Variants in STKLD1 observed in about 807,000 individuals in gnomAD.
The protein encoded by STKLD1 is serine/threonine kinase-like domain-containing protein STKLD1.
A neutral mutation model predicts 80.4 loss-of-function variants in STKLD1; 79 were observed. That is an observed-to-expected ratio of 0.98 (90% CI 0.82 to 1.19). The LOEUF (loss-of-function observed/expected upper bound fraction) is 1.19, where lower values mean the gene tolerates loss of function less well. Ranked by LOEUF, STKLD1 falls within the 50% of genes most tolerant of loss-of-function variation. STKLD1 has a pLI of 0.00. For synonymous variants in STKLD1, 393 were observed against 357.6 expected (o/e 1.10, Z -1.12); for missense variants, 841 against 856.0 (o/e 0.98, Z 0.22).
intron 11 of STKLD1, 35 bp downstream of exon 11, chr9:133,398,090 C>A: frequency 1.3e-6 from 2 of 1,596,510 alleles, no homozygotes; most frequent in Non-Finnish European, 1.7e-6. Context: ...CCCAGCTGCT[C>A]CCCTAGGGGC....
At chr9:133,404,661 C>T in intron 16 of STKLD1, 128 bp from the exon 17 acceptor site, 3 of 1,362,566 alleles carry the variant, frequency 2.2e-6, no homozygotes, top group Non-Finnish European at 3.0e-6. Flanking sequence ...GATGGGGCCT[C>T]CTGGGTCCCG....
In STKLD1 at chr9:133,402,910, G is replaced by A. The variant is rs587671240; in HGVS notation, c.1372G>A (p.Ala458Thr). ...GTCACTGTCAGAGGAGCTGCAGAATGCTGGGCTGCTGGAGCACATCCTGGA... is the reference window on the plus strand; with the variant it reads ...GTCACTGTCAGAGGAGCTGCAGAATACTGGGCTGCTGGAGCACATCCTGGA... ...SESLSEELQN[A>T]GLLEHILEHL... Residue 458 changes from alanine to threonine, a missense_variant, in exon 14 of 18, where the codon GCT becomes ACT. By Grantham distance (58) the Ala-to-Thr change is moderately conservative. Coordinates refer to ENST00000371957, the MANE Select transcript of STKLD1 (RefSeq NM_153710.5). 6.3e-7 allele frequency: 1 copy of A among 1,587,456 alleles called. No homozygotes were observed. The highest frequency in any genetic ancestry group is 8.6e-7 in the Non-Finnish European group (1 of 1,167,250).
Position 133,394,387 on chromosome 9 carries a change from T to C in STKLD1, c.680T>C (p.Met227Thr). The change falls in exon 8 of 18, where the codon ATG (methionine) becomes ACG (threonine). Residue 227 changes from methionine to threonine, a missense_variant. Met to Thr is a moderately conservative substitution (Grantham distance 81). Transcript: ENST00000371957. The surrounding 1 kb of genome is among the most constrained non-coding windows in gnomAD (Gnocchi z 4.9). ...TCCCTGGGCTGCATCATTCTGGACA[T>C]GACCAGCTGCTCCTTCATGGATGTG... Reference protein sequence around the residue: ...IWSLGCIILDMTSCSFMDGTE... With the variant: ...IWSLGCIILDTTSCSFMDGTE... 5 of 1,613,562 alleles carry C rather than the reference T, an allele frequency of 3.1e-6. No homozygotes were observed. The highest frequency in any genetic ancestry group is 2.2e-5 in the East Asian group (1 of 44,862).
intron 16 of STKLD1, 65 bp downstream of exon 16, chr9:133,404,113 T>G: frequency 6.7e-7 from 1 of 1,491,390 alleles, no homozygotes; most frequent in African/African-American, 1.4e-5. Context: ...CCCCATCAGT[T>G]ACATCTGCCA....
At chr9:133,378,474 A>C (rs1838057126) in intron 1 of STKLD1, among the ~76,000 whole-genome samples, 2 of 152,228 alleles carry the variant, frequency 1.3e-5, no homozygotes, top group South Asian at 4.1e-4. Flanking sequence ...GAGTTACCCC[A>C]GGCAGTGTCC....
chr9:133,377,402 C>G (rs905916878), intron 1 of STKLD1, among the ~76,000 whole-genome samples: 1 of 152,238 alleles, frequency 6.6e-6, no homozygotes, highest in African/African-American at 2.4e-5. Context: ...CGGTGGCTCA[C>G]GCCTGTAATC....
At position 133,384,551 on chromosome 9, in the gene STKLD1, C is replaced by T. The variant is rs1838222127; in HGVS notation, c.219+651C>T. 6.6e-6 allele frequency: 1 copy of T among 151,500 alleles called. No homozygotes were observed. The highest frequency in any genetic ancestry group is 2.4e-5 in the African/African-American group (1 of 41,278). 9.4% of individuals were successfully genotyped at this position (151,500 alleles called of 1,614,324 possible). On this transcript the variant is annotated intron_variant, in intron 3 of 17. Coordinates refer to ENST00000371957, the MANE Select transcript of STKLD1 (RefSeq NM_153710.5). This position sits in a 1 kb window ranked among gnomAD's most constrained non-coding sequence, Gnocchi z 4.3. ...ATTACAGCAGAAAATTTTAAAAATACAGAATTGGGTTTTCTTTTGTTTTTA... is the reference window on the plus strand; with the variant it reads ...ATTACAGCAGAAAATTTTAAAAATATAGAATTGGGTTTTCTTTTGTTTTTA...
At chr9:133,403,472 C>T (rs1838761679) in intron 14 of STKLD1, among the ~76,000 whole-genome samples, 1 of 152,226 alleles carries the variant, frequency 6.6e-6, no homozygotes, top group African/African-American at 2.4e-5. Flanking sequence ...GAGCTCCAAA[C>T]CACGGAAAGC....
chr9:133,402,341 C>G (rs903047971), intron 13 of STKLD1, among the ~76,000 whole-genome samples: 1 of 152,160 alleles, frequency 6.6e-6, no homozygotes, highest in Non-Finnish European at 1.5e-5. Context: ...AGCTGGGCCT[C>G]GAGAGAGCCT....
chr9:133,384,009 G>T lies in STKLD1; in HGVS notation c.219+109G>T, dbSNP rs1266001150. Reference sequence around the variant, plus strand: ...GGATGAAGAGAAGGCTGGAGGGAGGGATAGAGCATCAGCACCAGTTTTGCC... The same window carrying T: ...GGATGAAGAGAAGGCTGGAGGGAGGTATAGAGCATCAGCACCAGTTTTGCC... On this transcript the variant is annotated intron_variant, in intron 3 of 17. Coordinates refer to ENST00000371957, the MANE Select transcript of STKLD1 (RefSeq NM_153710.5). The surrounding 1 kb of genome is among the most constrained non-coding windows in gnomAD (Gnocchi z 4.3). 4 of 1,103,978 alleles carry T rather than the reference G, an allele frequency of 3.6e-6. No homozygotes were observed. Among genetic ancestry groups the T allele is most frequent in the Non-Finnish European group, 5.5e-6 (4 of 729,884 alleles). The allele number at this position is 1,103,978 out of a possible 1,614,324, so 68.4% of individuals were successfully genotyped here.
intron 10 of STKLD1, 75 bp downstream of exon 10, chr9:133,397,369 C>T (rs145904193): frequency 1.9e-6 from 3 of 1,581,790 alleles, no homozygotes; most frequent in Non-Finnish European, 2.6e-6. Context: ...TTGTTTAGTT[C>T]CAGAGGGTTC....
intron 13 of STKLD1, 40 bp downstream of exon 13, chr9:133,401,918 G>C (rs782086356): frequency 4.4e-5 from 70 of 1,607,058 alleles, no homozygotes; most frequent in Non-Finnish European, 5.7e-5. Flanking sequence ...CCACGCTCCA[G>C]GACAGCCCTT....
intron 7 of STKLD1, among the ~76,000 whole-genome samples, chr9:133,393,054 G>A (rs1838447733): frequency 8.5e-6 from 1 of 117,954 alleles, no homozygotes; most frequent in Admixed American, 8.5e-5. Context: ...ATGGGTTGTA[G>A]ATGGATGGGT....
chr9:133,397,430 C>A, intron 10 of STKLD1, 136 bp downstream of exon 10: 2 of 1,174,710 alleles, frequency 1.7e-6, no homozygotes, highest in Non-Finnish European at 2.4e-6. Context: ...TGGGTAGGAA[C>A]AGTTTCCCTC....
intron 5 of STKLD1, chr9:133,388,836 T>C (rs1838321038): frequency 1.0e-6 from 1 of 985,312 alleles, no homozygotes; most frequent in African/African-American, 1.7e-5. Context: ...GCTCTTCTCT[T>C]ACCATGGGCC....
In STKLD1 at chr9:133,376,531, T is replaced by C; in HGVS notation, c.58T>C (p.Ser20Pro). 2 of 1,600,532 alleles carry C rather than the reference T, an allele frequency of 1.2e-6. No individual in the cohort carries two copies. Among genetic ancestry groups the C allele is most frequent in the Non-Finnish European group, 8.5e-7 (1 of 1,175,370 alleles). Residue 20 changes from serine (S) to proline (P), a missense_variant, in exon 1 of 18, where the codon TCC becomes CCC. By Grantham distance (74) the Ser-to-Pro change is moderately conservative. Transcript: ENST00000371957. ...RPTQGERGPG[S>P]PGEPMEKYQV... ...CACGCAGGGGGAGCGAGGCCCAGGG[T>C]CCCCCGGAGAGCCCATGGAGAAGTA... is the stretch of plus-strand genomic sequence containing the variant.
intron 1 of STKLD1, among the ~76,000 whole-genome samples, chr9:133,376,828 G>A (rs2130251680): frequency 7.9e-5 from 12 of 152,148 alleles, no homozygotes; most frequent in Non-Finnish European, 1.3e-4. Flanking sequence ...TCTATCCTTC[G>A]TGCCTGGGGT....
At chr9:133,391,572 C>G (rs1260115709) in intron 7 of STKLD1, among the ~76,000 whole-genome samples, 1 of 151,878 alleles carries the variant, frequency 6.6e-6, no homozygotes, top group Non-Finnish European at 1.5e-5. Flanking sequence ...TACCCCCAAC[C>G]CTGTGCTCTC....
intron 9 of STKLD1, among the ~76,000 whole-genome samples, chr9:133,396,302 G>A (rs587600881): frequency 5.3e-5 from 8 of 152,304 alleles, no homozygotes; most frequent in South Asian, 2.1e-4. Context: ...GGGTGTAGTG[G>A]TGCATGCCTG....
Sources: gnomAD v4.1 joint callset for allele counts (sites outside exome capture counted in the v4.1 genomes callset) on GRCh38, gnomAD v4.1.1 for gene constraint, Gnocchi (gnomAD v3.1) non-coding constraint, MANE v1.5 for transcripts, NCBI Gene and HGNC (gene_info 2026-07-23, HGNC 2026-07-21) for gene names.